The following PREX1 variants were observed in gnomAD, a reference collection of about 807,000 sequenced individuals.
The protein encoded by PREX1 is phosphatidylinositol 3,4,5-trisphosphate-dependent Rac exchanger 1 protein.
A neutral mutation model predicts 198.3 loss-of-function variants in PREX1; 41 were observed. The observed-to-expected ratio is 0.21, with a 90% CI of 0.16 to 0.27. PREX1 has a LOEUF of 0.27. Among genes scored for constraint, PREX1 ranks in the 10% least tolerant of loss-of-function variants. PREX1 has a pLI of 1.00. For missense variants in PREX1, 1,620 were observed against 2,200.7 expected (o/e 0.74, Z 5.28); for synonymous variants, 843 against 887.2 (o/e 0.95, Z 0.89).
At chr20:48,764,430 A>C (rs910779079) in intron 1 of PREX1, among the ~76,000 whole-genome samples, 1 of 152,140 alleles carries the variant, frequency 6.6e-6, no homozygotes, top group African/African-American at 2.4e-5. Flanking sequence ...AGGATCTTGG[A>C]AAGGGGGGGA....
chr20:48,674,885 A>G (rs1377120850), intron 14 of PREX1, among the ~76,000 whole-genome samples: 1 of 152,164 alleles, frequency 6.6e-6, no homozygotes, highest in African/African-American at 2.4e-5. Flanking sequence ...AACTTTTTTG[A>G]AAGTAGTAAC....
chr20:48,630,974 G>T (rs3810535), intron 35 of PREX1, among the ~76,000 whole-genome samples, 180 bp from the exon 36 acceptor site: 7 of 152,024 alleles, frequency 4.6e-5, no homozygotes, highest in South Asian at 2.1e-4. Flanking sequence ...CAACAGCCGG[G>T]GGGGAAAGAG....
chr20:48,877,295 A>G, the PREX1 span, among the ~76,000 whole-genome samples: 1 of 152,242 alleles, frequency 6.6e-6, no homozygotes, highest in East Asian at 1.9e-4. Flanking sequence ...GAAAGAAAAA[A>G]AAGTATGATA....
chr20:48,863,302 T>A, the PREX1 span, among the ~76,000 whole-genome samples: 11 of 152,190 alleles, frequency 7.2e-5, 1 homozygote, highest in South Asian at 2.3e-3. Flanking sequence ...TATTATTAAC[T>A]AAGGCCCATA....
chr20:48,718,361 T>C (rs1038481348), intron 5 of PREX1, among the ~76,000 whole-genome samples: 3 of 152,068 alleles, frequency 2.0e-5, no homozygotes, highest in South Asian at 2.1e-4. Flanking sequence ...GTGGTGATGA[T>C]AGCTATAAAT....
intron 3 of PREX1, among the ~76,000 whole-genome samples, chr20:48,743,860 A>T (rs2090093870): frequency 6.6e-6 from 1 of 152,176 alleles, no homozygotes; most frequent in African/African-American, 2.4e-5. Context: ...GAATGACTGC[A>T]TCTTGGGGTA....
intron 1 of PREX1, among the ~76,000 whole-genome samples, chr20:48,777,634 A>G (rs2090268546): frequency 6.6e-6 from 1 of 152,198 alleles, no homozygotes; most frequent in Non-Finnish European, 1.5e-5. Flanking sequence ...GGACTCTGAT[A>G]TAAAGACCAA....
chr20:48,869,522 A>C, the PREX1 span, among the ~76,000 whole-genome samples: 1 of 152,106 alleles, frequency 6.6e-6, no homozygotes, highest in Non-Finnish European at 1.5e-5. Flanking sequence ...AGACTGTTGC[A>C]TTTTAAACAA....
chr20:48,846,119 G>A, the PREX1 span, among the ~76,000 whole-genome samples: 1 of 152,110 alleles, frequency 6.6e-6, no homozygotes, highest in Non-Finnish European at 1.5e-5. Context: ...CCATTTTATT[G>A]ATGAAGAAAC....
intron 1 of PREX1, among the ~76,000 whole-genome samples, chr20:48,796,872 A>G (rs1020578414): frequency 6.6e-6 from 1 of 151,842 alleles, no homozygotes; most frequent in Non-Finnish European, 1.5e-5. Context: ...ATATAATTCC[A>G]TTTTACATAA....
chr20:48,708,205 T>C lies in PREX1; in HGVS notation c.783+55A>G, dbSNP rs149622951. The C allele has an allele frequency of 5.2e-5, 82 of 1,588,046 alleles. No homozygotes were observed. In the African/African-American group the frequency reaches 7.6e-4, roughly 15 times the overall value. ...CCAGGCCTCAGTTCATGACTGCACC[T>C]GTGCACCTCCTGGCCCCCTGCGGCC... On this transcript the variant is annotated intron_variant, in intron 6 of 39. Coordinates refer to ENST00000371941, the MANE Select transcript of PREX1 (RefSeq NM_020820.4).
At position 48,691,070 on chromosome 20, in the gene PREX1, C is replaced by T; in HGVS notation, c.1063G>A (p.Val355Ile). The T allele has an allele frequency of 1.2e-5, 19 of 1,614,188 alleles. No homozygotes were observed. Among genetic ancestry groups the T allele is most frequent in the East Asian group, 6.7e-5 (3 of 44,880 alleles). ...TTGTGGATCTTCCAGCCGTTGGTGA[C>T]GGTATAGCCGTTGCTATGGTAATCC... ...TADYHSNGYT[V>I]TNGWKIHNTA... The change falls in exon 9 of 40, where the codon GTC (valine) becomes ATC (isoleucine). Residue 355 changes from valine to isoleucine, a missense_variant. Val to Ile is a conservative substitution (Grantham distance 29). Coordinates refer to ENST00000371941, the MANE Select transcript of PREX1 (RefSeq NM_020820.4). The surrounding 1 kb of genome is among the most constrained non-coding windows in gnomAD (Gnocchi z 5.0).
chr20:48,843,471 G>A, the PREX1 span, among the ~76,000 whole-genome samples: 1 of 152,168 alleles, frequency 6.6e-6, no homozygotes, highest in Non-Finnish European at 1.5e-5. Context: ...TGCTGGCTAG[G>A]CAATAACAAA....
intron 14 of PREX1, among the ~76,000 whole-genome samples, chr20:48,668,746 C>T (rs907465314): frequency 2.0e-5 from 3 of 152,204 alleles, no homozygotes; most frequent in Non-Finnish European, 2.9e-5. Flanking sequence ...AGCTGGAGGG[C>T]CTGCGGGTTG....
chr20:48,723,622 G>A (rs1302625221), intron 5 of PREX1, among the ~76,000 whole-genome samples: 1 of 152,172 alleles, frequency 6.6e-6, no homozygotes, highest in East Asian at 1.9e-4. Flanking sequence ...AGCGCAAGTG[G>A]GCAGAGTAAA....
chr20:48,808,629 A>AACACCACCTCACTCAGCG (rs1310709309), intron 1 of PREX1, among the ~76,000 whole-genome samples: 1 of 152,170 alleles, frequency 6.6e-6, no homozygotes, highest in South Asian at 2.1e-4. Flanking sequence ...CTCCAAGGAC[A>AACACCACCTCACTCAGCG]ACACCACCTC....
intron 7 of PREX1, among the ~76,000 whole-genome samples, chr20:48,698,968 C>T (rs1029938562): frequency 6.6e-6 from 1 of 152,184 alleles, no homozygotes; most frequent in African/African-American, 2.4e-5. Context: ...AACGGGGATC[C>T]AATGGCGGGC....
chr20:48,736,222 T>C (rs1325360449), intron 3 of PREX1, among the ~76,000 whole-genome samples: 1 of 151,918 alleles, frequency 6.6e-6, no homozygotes, highest in Non-Finnish European at 1.5e-5. Flanking sequence ...ATAAACACAA[T>C]CGACAAACAT....
chr20:48,772,359 C>T (rs1353599009), intron 1 of PREX1, among the ~76,000 whole-genome samples: 4 of 152,198 alleles, frequency 2.6e-5, no homozygotes, highest in Non-Finnish European at 4.4e-5. Flanking sequence ...GGCGCAGGTG[C>T]GCAGCTCGTG....
Sources: allele counts gnomAD v4.1 joint callset (sites outside exome capture counted in the v4.1 genomes callset), GRCh38; gene constraint gnomAD v4.1.1; non-coding constraint Gnocchi (gnomAD v3.1); transcripts MANE v1.5; gene names NCBI Gene and HGNC (gene_info 2026-07-23, HGNC 2026-07-21).